Variants in TRPM3 observed in about 807,000 individuals in gnomAD.
TRPM3 encodes the protein transient receptor potential cation channel subfamily M member 3.
Under a neutral mutation model 181.2 loss-of-function variants are expected in TRPM3, and 77 were observed. The ratio of observed to expected loss-of-function variants is 0.42; its 90% CI spans 0.35 to 0.51. The LOEUF (loss-of-function observed/expected upper bound fraction) is 0.51. Ranked by LOEUF, TRPM3 falls within the 20% of genes least tolerant of loss-of-function variation. The pLI, the probability that TRPM3 is intolerant of heterozygous loss-of-function variation, is 0.01. For missense variants in TRPM3, 1,759 were observed against 2,196.7 expected (o/e 0.80, Z 3.98); for synonymous variants, 745 against 796.4 (o/e 0.94, Z 1.09).
chr9:70,891,146 T>C (rs539700530), intron 1 of TRPM3, among the ~76,000 whole-genome samples: 1 of 152,248 alleles, frequency 6.6e-6, no homozygotes, highest in Non-Finnish European at 1.5e-5. Flanking sequence ...GTTGTGCACA[T>C]GTACCCTAGA....
At chr9:70,979,407 A>G (rs1014105837) in intron 1 of TRPM3, among the ~76,000 whole-genome samples, 3 of 152,198 alleles carry the variant, frequency 2.0e-5, no homozygotes, top group African/African-American at 7.2e-5. Context: ...TTGTCATTCT[A>G]CTGCATTAGA....
intron 1 of TRPM3, among the ~76,000 whole-genome samples, chr9:70,907,059 T>TTTATA (rs1238516242): frequency 1.3e-5 from 2 of 152,240 alleles, no homozygotes; most frequent in African/African-American, 4.8e-5. Context: ...ATTACCTTAC[T>TTTATA]TTATAACACA....
intron 1 of TRPM3, among the ~76,000 whole-genome samples, chr9:71,089,284 A>G (rs1257022415): frequency 6.6e-6 from 1 of 150,766 alleles, no homozygotes; most frequent in Non-Finnish European, 1.5e-5. Context: ...AAAATAAAAC[A>G]ACTTTTGCAA....
chr9:70,988,142 A>G (rs367991523), intron 1 of TRPM3, among the ~76,000 whole-genome samples: 4 of 152,200 alleles, frequency 2.6e-5, no homozygotes, highest in African/African-American at 7.2e-5. Flanking sequence ...ATTGAGCAAG[A>G]GTTCTTAAAT....
At chr9:71,372,020 G>T (rs570321289) in intron 1 of TRPM3, among the ~76,000 whole-genome samples, 23 of 152,140 alleles carry the variant, frequency 1.5e-4, no homozygotes, top group Admixed American at 8.5e-4. Flanking sequence ...GTTGTTCCCT[G>T]CCATGTGTCC....
intron 1 of TRPM3, among the ~76,000 whole-genome samples, chr9:70,963,331 G>A (rs2097155540): frequency 1.3e-5 from 2 of 152,196 alleles, no homozygotes; most frequent in Admixed American, 1.3e-4. Context: ...TACAGCTTCA[G>A]AAATGTGGTT....
At chr9:71,417,191 G>A (rs1348764432) in intron 1 of TRPM3, among the ~76,000 whole-genome samples, 1 of 151,884 alleles carries the variant, frequency 6.6e-6, no homozygotes, top group Non-Finnish European at 1.5e-5. Context: ...GTATATGCAC[G>A]TTAAACTTTA....
chr9:71,080,896 C>T (rs780781390), intron 1 of TRPM3, among the ~76,000 whole-genome samples: 15 of 152,124 alleles, frequency 9.9e-5, no homozygotes, highest in Non-Finnish European at 2.1e-4. Flanking sequence ...TAAGCATGAA[C>T]GTCCTTAAGT....
chr9:71,206,368 T>C (rs554799394), intron 1 of TRPM3, among the ~76,000 whole-genome samples: 2 of 152,222 alleles, frequency 1.3e-5, no homozygotes, highest in African/African-American at 2.4e-5. Context: ...CTTTTTCATA[T>C]GTTTGTTGGC....
chr9:70,803,041 AAAAAAAAAAAAAAAAAAAC>A (rs1171233602), intron 6 of TRPM3, among the ~76,000 whole-genome samples: 1 of 116,834 alleles, frequency 8.6e-6, no homozygotes, highest in Non-Finnish European at 1.8e-5. Flanking sequence ...TGTAAAAAAA[AAAAAAAAAAAAAAAAAAAC>A]AAAGGCCCAA....
At chr9:71,219,383 T>C (rs2080096380) in intron 1 of TRPM3, among the ~76,000 whole-genome samples, 1 of 152,222 alleles carries the variant, frequency 6.6e-6, no homozygotes, top group African/African-American at 2.4e-5. Context: ...TAGTAAGTTT[T>C]GGTGACAGTC....
At position 71,093,267 on chromosome 9, in the gene TRPM3, C is replaced by T. The variant is rs117593222; in HGVS notation, c.177+27911G>A. ...ATCAAACTAAAGAGCTTCTGCACAA[C>T]GAAAGAAACTATCATCACAGTGAAT... On this transcript the variant is annotated intron_variant, in intron 1 of 25. Transcript: ENST00000677713. Among the ~76,000 whole-genome samples the T allele has an allele frequency of 3.5e-3, 530 of 152,082 alleles. 10 individuals carry two copies. In the East Asian group the frequency reaches 0.045, roughly 13 times the overall value.
At chr9:71,234,464 T>C (rs927614825) in intron 1 of TRPM3, among the ~76,000 whole-genome samples, 1 of 152,170 alleles carries the variant, frequency 6.6e-6, no homozygotes. Flanking sequence ...TACCACAGAT[T>C]GGATGACTGT....
chr9:71,037,633 T>C (rs1411710092), intron 1 of TRPM3, among the ~76,000 whole-genome samples: 1 of 152,254 alleles, frequency 6.6e-6, no homozygotes, highest in Admixed American at 6.5e-5. Flanking sequence ...CCATTGTAGC[T>C]GACTGTGTGA....
intron 1 of TRPM3, among the ~76,000 whole-genome samples, chr9:71,348,483 T>C (rs1224105165): frequency 6.6e-6 from 1 of 150,760 alleles, no homozygotes; most frequent in Non-Finnish European, 1.5e-5. Flanking sequence ...GATAGAGAAA[T>C]TGTTTCAAAA....
In TRPM3 at chr9:70,617,624, T is replaced by G. The variant is rs553505080; in HGVS notation, c.2358+1243A>C. ...GGGTAATGAGGCAAGATGATGGATA[T>G]GTTAATTTGCTTGACTAGAGTGACC... is the stretch of plus-strand genomic sequence containing the variant. On this transcript the variant is annotated intron_variant, in intron 17 of 25. Coordinates refer to ENST00000677713, the MANE Select transcript of TRPM3 (RefSeq NM_001366145.2). Among the ~76,000 whole-genome samples, 18 of 152,290 alleles carry G rather than the reference T, an allele frequency of 1.2e-4. No individual in the cohort carries two copies. The South Asian group carries it at 3.7e-3, about 32-fold the overall frequency.
intron 1 of TRPM3, among the ~76,000 whole-genome samples, chr9:71,110,409 C>A (rs1419269807): frequency 6.6e-6 from 1 of 152,148 alleles, no homozygotes; most frequent in African/African-American, 2.4e-5. Context: ...TTTCGTTGTT[C>A]ATAAATAAGT....
At chr9:71,021,338 C>T (rs2097845592) in intron 1 of TRPM3, among the ~76,000 whole-genome samples, 1 of 152,036 alleles carries the variant, frequency 6.6e-6, no homozygotes, top group South Asian at 2.1e-4. Context: ...TTTAAGTATG[C>T]ATGTGCTTCA....
At chr9:70,879,042 T>C (rs1274582404) in intron 1 of TRPM3, among the ~76,000 whole-genome samples, 1 of 152,128 alleles carries the variant, frequency 6.6e-6, no homozygotes, top group African/African-American at 2.4e-5. Flanking sequence ...ATTAACTAAT[T>C]TGGACCTCAT....
Sources: allele counts gnomAD v4.1 joint callset (sites outside exome capture counted in the v4.1 genomes callset), GRCh38; gene constraint gnomAD v4.1.1; transcripts MANE v1.5; gene names NCBI Gene and HGNC (gene_info 2026-07-23, HGNC 2026-07-21).